The following INTS1 variants were observed in gnomAD, a reference collection of about 807,000 sequenced individuals.
INTS1 encodes the protein integrator complex subunit 1.
In INTS1, 137 loss-of-function variants were observed where a neutral mutation model predicts 241.6. That is an observed-to-expected ratio of 0.57 (90% CI 0.49 to 0.65). The LOEUF is 0.65. Among genes scored for constraint, INTS1 ranks in the 30% least tolerant of loss-of-function variants. The pLI is 0.00. For synonymous variants in INTS1, 1,692 were observed against 1,337.8 expected (o/e 1.26, Z -5.78); for missense variants, 3,073 against 3,032.2 (o/e 1.01, Z -0.32).
intron 2 of INTS1, 77 bp from the exon 3 acceptor site, chr7:1,503,268 T>A: frequency 7.1e-7 from 1 of 1,415,422 alleles, no homozygotes. Context: ...AACCTCCTGT[T>A]ATGTCAGAGG....
In INTS1 at chr7:1,473,649, C is replaced by T. The variant is rs781122198; in HGVS notation, c.5874G>A (p.Lys1958=). The T allele has an allele frequency of 6.2e-7, 1 of 1,613,462 alleles. No homozygotes were observed. Among genetic ancestry groups the T allele is most frequent in the Non-Finnish European group, 8.5e-7 (1 of 1,179,802 alleles). The change falls in exon 42 of 48, where the codon AAG becomes AAA. Residue 1958 remains lysine, a synonymous_variant. Transcript: ENST00000404767. The part of the protein sequence containing the change: ...SSRHLAAFIN[K]FVQFIHKYIT... Reference sequence around the variant, plus strand: ...TGTACTTATGGATGAACTGCACAAACTTGTTGATGAAGGCAGCCAGATGGC... The same window carrying T: ...TGTACTTATGGATGAACTGCACAAATTTGTTGATGAAGGCAGCCAGATGGC...
Position 1,478,926 on chromosome 7 carries a change from C to T in INTS1, c.4330-41G>A. 3 of 1,566,788 alleles carry T rather than the reference C, an allele frequency of 1.9e-6. No homozygotes were observed. In the South Asian group the frequency reaches 3.4e-5, roughly 18 times the overall value. Reference sequence around the variant, plus strand: ...GGCACGTGGCTACCCTGGCAGAGGACACACGGGGACCCGGCACCCGAGGCC... The same window carrying T: ...GGCACGTGGCTACCCTGGCAGAGGATACACGGGGACCCGGCACCCGAGGCC... On this transcript the variant is annotated intron_variant, in intron 31 of 47. Transcript: ENST00000404767.
In INTS1 at chr7:1,494,802, G is replaced by A. The variant is rs574157727; in HGVS notation, c.1910+14C>T. On this transcript the variant is annotated intron_variant, in intron 14 of 47. Coordinates refer to ENST00000404767, the MANE Select transcript of INTS1 (RefSeq NM_001080453.3). Reference sequence around the variant, plus strand: ...AGCCCGGCACACAGGAGCCCCAGGCGGCAGCGCACTCACTTGCGGTCACTC... The same window carrying A: ...AGCCCGGCACACAGGAGCCCCAGGCAGCAGCGCACTCACTTGCGGTCACTC... 138 of 1,555,322 alleles carry A rather than the reference G, an allele frequency of 8.9e-5. 1 individual carries two copies. The highest frequency in any genetic ancestry group is 1.5e-4 in the Admixed American group (8 of 51,752).
chr7:1,472,875 G>A (rs1781537691), intron 43 of INTS1, among the ~76,000 whole-genome samples, 197 bp downstream of exon 43: 1 of 152,194 alleles, frequency 6.6e-6, no homozygotes, highest in Non-Finnish European at 1.5e-5. Flanking sequence ...GGGGGCAGGT[G>A]TGCTGATGCT....
Position 1,481,068 on chromosome 7 carries a change from G to C in INTS1, c.3851-135C>G, listed in dbSNP as rs1781971364. ...CCCAAGGACTTCAGAAGCTGGGTGAGCTCAGTCAGCACTGAGGCCCCAACA... is the reference window on the plus strand; with the variant it reads ...CCCAAGGACTTCAGAAGCTGGGTGACCTCAGTCAGCACTGAGGCCCCAACA... On this transcript the variant is annotated intron_variant, in intron 28 of 47. Transcript: ENST00000404767. The surrounding 1 kb of genome is among the most constrained non-coding windows in gnomAD (Gnocchi z 6.8). 4.1e-6 allele frequency: 3 copies of C among 723,234 alleles called. No homozygotes were observed. Among genetic ancestry groups the C allele is most frequent in the Admixed American group, 2.2e-5 (1 of 44,496 alleles). 44.8% of individuals were successfully genotyped at this position (723,234 alleles called of 1,614,324 possible).
chr7:1,481,225 C>T lies in INTS1; in HGVS notation c.3850+117G>A, dbSNP rs1311750997. 8.3e-7 allele frequency: 1 copy of T among 1,207,888 alleles called. No homozygotes were observed. Among genetic ancestry groups the T allele is most frequent in the South Asian group, 1.3e-5 (1 of 77,866 alleles). The allele number at this position is 1,207,888 out of a possible 1,614,324, so 74.8% of individuals were successfully genotyped here. ...GGTCTAAGCCTGCCCTCGAGTGCCA[C>T]CCACACCCACCCGACCTCGGATCAC... On this transcript the variant is annotated intron_variant, in intron 28 of 47. Coordinates refer to ENST00000404767, the MANE Select transcript of INTS1 (RefSeq NM_001080453.3). This position sits in a 1 kb window ranked among gnomAD's most constrained non-coding sequence, Gnocchi z 6.8.
chr7:1,480,653 G>A (rs1781949449), intron 29 of INTS1, among the ~76,000 whole-genome samples, 182 bp downstream of exon 29: 1 of 152,174 alleles, frequency 6.6e-6, no homozygotes, highest in Non-Finnish European at 1.5e-5. Flanking sequence ...CTGGCCAGAG[G>A]CAAATGCTGC....
intron 45 of INTS1, 86 bp from the exon 46 acceptor site, chr7:1,471,310 G>T: frequency 7.2e-7 from 1 of 1,379,548 alleles, no homozygotes. Context: ...GTGATGGTTG[G>T]CGGCAACGGC....
At chr7:1,475,824 C>T (rs548580237) in intron 39 of INTS1, 124 bp downstream of exon 39, 907 of 1,241,310 alleles carry the variant, frequency 7.3e-4, no homozygotes, top group Non-Finnish European at 8.6e-4. Context: ...CAGGGCGGCG[C>T]GGACTGGGAA....
At position 1,497,315 on chromosome 7, in the gene INTS1, C is replaced by A; in HGVS notation, c.1426-1G>T. 6.2e-7 allele frequency: 1 copy of A among 1,611,650 alleles called. No homozygotes were observed. Among genetic ancestry groups the A allele is most frequent in the Non-Finnish European group, 8.5e-7 (1 of 1,178,896 alleles). The stretch of plus-strand genomic sequence containing the variant: ...GGTCCTGGAACACCATGGCCAGGAA[C>A]TGGGGCAGAGAGAGGCCGCGTGGGA... On this transcript the variant is annotated splice_acceptor_variant, in intron 10 of 47. Coordinates refer to ENST00000404767, the MANE Select transcript of INTS1 (RefSeq NM_001080453.3). LOFTEE classifies it high-confidence loss of function. This position sits in a 1 kb window ranked among gnomAD's most constrained non-coding sequence, Gnocchi z 5.3.
At chr7:1,480,690 G>A (rs914786369) in intron 29 of INTS1, 145 bp downstream of exon 29, 2 of 751,830 alleles carry the variant, frequency 2.7e-6, no homozygotes, top group South Asian at 1.8e-5. Context: ...AGTTTCTGTG[G>A]GGGCCCCTCT....
Position 1,474,718 on chromosome 7 carries a change from G to T in INTS1, c.5623C>A (p.Leu1875Met). Residue 1875 changes from leucine to methionine, a missense_variant, in exon 40 of 48, where the codon CTG becomes ATG. By Grantham distance (15) the Leu-to-Met change is conservative (BLOSUM62 2). Coordinates refer to ENST00000404767, the MANE Select transcript of INTS1 (RefSeq NM_001080453.3). ...CTGGGACAGCACCTGAGCAGCAGCAGCGGGTGCGCCACCGCCAGCTTCCGG... is the reference window on the plus strand; with the variant it reads ...CTGGGACAGCACCTGAGCAGCAGCATCGGGTGCGCCACCGCCAGCTTCCGG... ...ACRKLAVAHP[L>M]LLLRHLPMIA... The T allele has an allele frequency of 6.4e-7, 1 of 1,561,168 alleles. No individual in the cohort carries two copies. Among genetic ancestry groups the T allele is most frequent in the Non-Finnish European group, 8.7e-7 (1 of 1,154,794 alleles).
chr7:1,498,912 T>C (rs1782999108), intron 8 of INTS1, 60 bp from the exon 9 acceptor site: 2 of 1,541,250 alleles, frequency 1.3e-6, no homozygotes, highest in Non-Finnish European at 1.7e-6. Flanking sequence ...GACCACGCTG[T>C]GGGGCCACAC....
rs575788602 is a variant in INTS1, at chr7:1,479,725, A to AGGAGG, written c.4075-42_4075-41insCCTCC. On this transcript the variant is annotated intron_variant, in intron 30 of 47. Transcript: ENST00000404767. Reference sequence around the variant, plus strand: ...CCAGTGTCAGGAGGAAGCGGAGGAGAAGGAGGAGGAGCGCAGCGGAGAGGC... The same window carrying AGGAGG: ...CCAGTGTCAGGAGGAAGCGGAGGAGAGGAGGAGGAGGAGGAGCGCAGCGGAGAGGC... 39 of 1,422,876 alleles carry AGGAGG rather than the reference A, an allele frequency of 2.7e-5. No individual in the cohort carries two copies. The African/African-American group carries it at 3.8e-4, about 14-fold the overall frequency. The allele number at this position is 1,422,876 out of a possible 1,614,324, so 88.1% of individuals were successfully genotyped here. A position where few individuals can be genotyped will look rare whatever the true frequency, so the allele number is the denominator to read the frequency against.
At chr7:1,484,627 G>A (rs1054455919) in intron 24 of INTS1, among the ~76,000 whole-genome samples, 1 of 152,198 alleles carries the variant, frequency 6.6e-6, no homozygotes, top group Non-Finnish European at 1.5e-5. Context: ...CAGCGGGCAG[G>A]TGCCCAGCGA....
In INTS1 at chr7:1,493,209, G is replaced by T. The variant is rs1369511959; in HGVS notation, c.2069-103C>A. On this transcript the variant is annotated intron_variant, in intron 15 of 47. Transcript: ENST00000404767. The surrounding 1 kb of genome is among the most constrained non-coding windows in gnomAD (Gnocchi z 5.3). ...CTCGGGCCGCGTCGGGGTGGGGTGGGGGATGCCGCAGGGTGGGGCGCAGGC... is the reference window on the plus strand; with the variant it reads ...CTCGGGCCGCGTCGGGGTGGGGTGGTGGATGCCGCAGGGTGGGGCGCAGGC... 2.4e-6 allele frequency: 2 copies of T among 839,974 alleles called. No individual in the cohort carries two copies. Among genetic ancestry groups the T allele is most frequent in the Admixed American group, 4.3e-5 (2 of 45,984 alleles). 52.0% of individuals were successfully genotyped at this position (839,974 alleles called of 1,614,324 possible). A position where few individuals can be genotyped will look rare whatever the true frequency, so the allele number is the denominator to read the frequency against.
At chr7:1,474,960 G>A in intron 39 of INTS1, 122 bp from the exon 40 acceptor site, 2 of 1,277,052 alleles carry the variant, frequency 1.6e-6, no homozygotes, top group Non-Finnish European at 2.1e-6. Flanking sequence ...CAGAGGAACT[G>A]GCTCCTTACG....
chr7:1,477,797 C>T lies in INTS1; in HGVS notation c.4770G>A (p.Glu1590=). The change falls in exon 34 of 48, where the codon GAG becomes GAA. Residue 1590 remains glutamate, a synonymous_variant. Transcript: ENST00000404767. ...GCTTCCCCCCAGCCAGGGGCTCCTC[C>T]TCCTGCAGCAGCAGGGAGCTCACCA... ...VVVVSSLLLQ[E]EEPLAGGKPG... 1 of 1,612,550 alleles carries T rather than the reference C, an allele frequency of 6.2e-7. No individual in the cohort carries two copies. Among genetic ancestry groups the T allele is most frequent in the Non-Finnish European group, 8.5e-7 (1 of 1,179,820 alleles).
chr7:1,475,243 G>T (rs1180552927), intron 39 of INTS1, among the ~76,000 whole-genome samples: 1 of 152,034 alleles, frequency 6.6e-6, no homozygotes, highest in Non-Finnish European at 1.5e-5. Flanking sequence ...AGAGTAACTG[G>T]GTGTGGTGGC....
Sources: gnomAD v4.1 joint callset for allele counts (sites outside exome capture counted in the v4.1 genomes callset) on GRCh38, gnomAD v4.1.1 for gene constraint, Gnocchi (gnomAD v3.1) non-coding constraint, MANE v1.5 for transcripts, NCBI Gene and HGNC (gene_info 2026-07-23, HGNC 2026-07-21) for gene names.